The following PDE4B variants were observed in gnomAD, a reference collection of about 807,000 sequenced individuals.
The protein encoded by PDE4B is phosphodiesterase 4B, also known as 3',5'-cyclic-AMP phosphodiesterase 4B.
PDE4B carries 20 observed loss-of-function variants against 82.2 expected under a neutral mutation model. The ratio of observed to expected loss-of-function variants is 0.24; its 90% CI spans 0.17 to 0.35. The LOEUF is 0.35. Ranked by LOEUF, PDE4B falls within the 10% of genes least tolerant of loss-of-function variation. The pLI, the probability that PDE4B is intolerant of heterozygous loss-of-function variation, is 1.00. For missense variants in PDE4B, 655 were observed against 907.2 expected (o/e 0.72, Z 3.57); for synonymous variants, 320 against 318.9 (o/e 1.00, Z -0.04).
chr1:66,165,050 C>G (rs774923044), intron 3 of PDE4B, among the ~76,000 whole-genome samples: 1 of 152,160 alleles, frequency 6.6e-6, no homozygotes, highest in Non-Finnish European at 1.5e-5. Context: ...GGTAAGCCAC[C>G]ACGCCTGGCC....
intron 1 of PDE4B, among the ~76,000 whole-genome samples, chr1:65,877,448 T>G (rs1008398364): frequency 2.0e-5 from 3 of 151,910 alleles, no homozygotes; most frequent in Non-Finnish European, 4.4e-5. Flanking sequence ...ACTCCATCTC[T>G]ACTAAAAATA....
chr1:66,302,756 G>T (rs1657989074), intron 7 of PDE4B, among the ~76,000 whole-genome samples: 1 of 152,184 alleles, frequency 6.6e-6, no homozygotes, highest in African/African-American at 2.4e-5. Context: ...ACACATCAGA[G>T]ATTGATTAGA....
intron 3 of PDE4B, among the ~76,000 whole-genome samples, chr1:66,075,932 A>ACAAAAAAAG (rs1557543313): frequency 1.2e-4 from 15 of 120,758 alleles, no homozygotes; most frequent in African/African-American, 4.5e-4. Flanking sequence ...AACAAAAAAA[A>ACAAAAAAAG]CAAAACACCA....
chr1:66,369,413 G>T (rs1024826432), intron 16 of PDE4B, among the ~76,000 whole-genome samples: 7 of 152,118 alleles, frequency 4.6e-5, no homozygotes, highest in African/African-American at 1.4e-4. Flanking sequence ...CTCTTTTACT[G>T]CATAGTCAAA....
intron 7 of PDE4B, among the ~76,000 whole-genome samples, chr1:66,300,895 T>C (rs1389987719): frequency 3.3e-5 from 5 of 152,188 alleles, no homozygotes; most frequent in Admixed American, 6.5e-5. Flanking sequence ...ACTTTCTTAC[T>C]GGGGTTTCTC....
intron 7 of PDE4B, among the ~76,000 whole-genome samples, chr1:66,270,356 C>T (rs2101745302): frequency 6.6e-6 from 1 of 152,272 alleles, no homozygotes; most frequent in East Asian, 1.9e-4. Context: ...AGGTTCTGCC[C>T]ATAGCTTTAC....
At chr1:65,994,803 T>A (rs1206882048) in intron 3 of PDE4B, among the ~76,000 whole-genome samples, 1 of 152,114 alleles carries the variant, frequency 6.6e-6, no homozygotes, top group East Asian at 1.9e-4. Context: ...AATATTTTTC[T>A]TTATGTAGAG....
intron 3 of PDE4B, among the ~76,000 whole-genome samples, chr1:66,235,152 A>G (rs1010879756): frequency 6.6e-6 from 1 of 152,098 alleles, no homozygotes; most frequent in African/African-American, 2.4e-5. Flanking sequence ...ATGTTTTGAG[A>G]CTTGTTTTAT....
intron 1 of PDE4B, among the ~76,000 whole-genome samples, chr1:65,827,596 A>G (rs906603717): frequency 1.3e-5 from 2 of 152,208 alleles, no homozygotes; most frequent in Admixed American, 6.5e-5. Flanking sequence ...AATAAAACTC[A>G]AAGAGAAAAT....
chr1:66,041,716 A>G (rs1280173509), intron 3 of PDE4B, among the ~76,000 whole-genome samples: 2 of 151,746 alleles, frequency 1.3e-5, no homozygotes, highest in African/African-American at 4.8e-5. Flanking sequence ...ATCACAACAT[A>G]TAGCATGTCA....
intron 3 of PDE4B, among the ~76,000 whole-genome samples, chr1:65,988,377 T>C (rs1176472869): frequency 4.6e-5 from 7 of 152,170 alleles, no homozygotes; most frequent in Admixed American, 2.6e-4. Flanking sequence ...GCTGTAGTTA[T>C]ATATAACAGT....
chr1:66,296,718 C>A (rs909008779), intron 7 of PDE4B, among the ~76,000 whole-genome samples: 21 of 152,178 alleles, frequency 1.4e-4, no homozygotes, highest in African/African-American at 3.9e-4. Context: ...GAGAGGCTGG[C>A]GCATATTTGT....
chr1:66,132,147 G>A (rs1419941104), intron 3 of PDE4B, among the ~76,000 whole-genome samples: 1 of 152,156 alleles, frequency 6.6e-6, no homozygotes, highest in Non-Finnish European at 1.5e-5. Context: ...AGAATGACAT[G>A]ATCCTTTTTT....
intron 7 of PDE4B, among the ~76,000 whole-genome samples, chr1:66,276,020 A>G (rs1300608338): frequency 6.6e-6 from 1 of 152,084 alleles, no homozygotes. Context: ...AGGTCAGATA[A>G]TGCTATTTTC....
At chr1:66,164,535 C>CAAAAAAAAAAAAAAAAAAAAAAAAAAAA (rs10718019) in intron 3 of PDE4B, among the ~76,000 whole-genome samples, 3 of 48,556 alleles carry the variant, frequency 6.2e-5, no homozygotes, top group African/African-American at 1.6e-4. Flanking sequence ...GACTCCGTCT[C>CAAAAAAAAAAAAAAAAAAAAAAAAAAAA]AAAAAAAAAA....
intron 3 of PDE4B, among the ~76,000 whole-genome samples, chr1:66,177,770 A>G (rs191527861): frequency 6.6e-6 from 1 of 152,274 alleles, no homozygotes; most frequent in East Asian, 1.9e-4. Flanking sequence ...CTGGTGTTTT[A>G]TTGATTTCCA....
chr1:66,106,028 G>A (rs964092082), intron 3 of PDE4B, among the ~76,000 whole-genome samples: 30 of 152,036 alleles, frequency 2.0e-4, no homozygotes, highest in East Asian at 1.9e-4. Flanking sequence ...AGTTTTCAAA[G>A]GGAATGCTTC....
At chr1:66,061,826 T>C (rs1449412991) in intron 3 of PDE4B, among the ~76,000 whole-genome samples, 1 of 152,096 alleles carries the variant, frequency 6.6e-6, no homozygotes, top group Non-Finnish European at 1.5e-5. Context: ...AAAACCTAGA[T>C]GATGGGTTGG....
chr1:65,983,878 T>A (rs1343665255), intron 3 of PDE4B, among the ~76,000 whole-genome samples: 1 of 152,166 alleles, frequency 6.6e-6, no homozygotes, highest in Admixed American at 6.6e-5. Context: ...TTATATTGTA[T>A]AAGGATAGTT....
Sources: gnomAD v4.1 joint callset for allele counts (sites outside exome capture counted in the v4.1 genomes callset) on GRCh38, gnomAD v4.1.1 for gene constraint, MANE v1.5 for transcripts, NCBI Gene and HGNC (gene_info 2026-07-23, HGNC 2026-07-21) for gene names.